The following GRIK1 variants were observed in gnomAD, a reference collection of about 807,000 sequenced individuals.
GRIK1 encodes glutamate ionotropic receptor kainate type subunit 1, also known as glutamate receptor ionotropic, kainate 1.
A neutral mutation model predicts 105.7 loss-of-function variants in GRIK1; 69 were observed. The observed-to-expected ratio is 0.65, with a 90% CI of 0.54 to 0.80. GRIK1 has a LOEUF of 0.80. Ranked by LOEUF, GRIK1 falls within the 30% of genes least tolerant of loss-of-function variation. The pLI is 0.00. For synonymous variants in GRIK1, 438 were observed against 431.3 expected, an observed-to-expected ratio of 1.02 and a Z score of -0.19; for missense variants, 1,109 against 1,167.3, an observed-to-expected ratio of 0.95 and a Z score of 0.73.
At chr21:29,692,305 G>T (rs1255956392) in intron 2 of GRIK1, among the ~76,000 whole-genome samples, 1 of 152,178 alleles carries the variant, frequency 6.6e-6, no homozygotes, top group Non-Finnish European at 1.5e-5. Context: ...TCCACAATGT[G>T]TAGGAGTGTT....
chr21:29,710,795 CCTTCCTTCCTTCCTTCCTTCCT>C (rs2064030287), intron 1 of GRIK1, among the ~76,000 whole-genome samples: 1 of 13,054 alleles, frequency 7.7e-5, no homozygotes, highest in Non-Finnish European at 2.0e-4. Flanking sequence ...CTCCCTCCTT[CCTTCCTTCCTTCCTTCCTTCCT>C]TCCTTCCTTC....
chr21:29,559,811 T>G (rs537535355), intron 15 of GRIK1, among the ~76,000 whole-genome samples: 1 of 150,594 alleles, frequency 6.6e-6, no homozygotes, highest in East Asian at 1.9e-4. Flanking sequence ...AAAATCTGGA[T>G]TTTTTTTATT....
intron 1 of GRIK1, among the ~76,000 whole-genome samples, chr21:29,921,932 G>T (rs2071206836): frequency 1.3e-5 from 2 of 152,126 alleles, no homozygotes; most frequent in South Asian, 4.1e-4. Flanking sequence ...AATTTTGCAG[G>T]TAAGTAGATT....
chr21:29,775,045 A>T (rs916092220), intron 1 of GRIK1, among the ~76,000 whole-genome samples: 1 of 151,772 alleles, frequency 6.6e-6, no homozygotes, highest in Non-Finnish European at 1.5e-5. Flanking sequence ...TCAGCCAGGC[A>T]TGGTAGCTCA....
intron 1 of GRIK1, among the ~76,000 whole-genome samples, chr21:29,843,532 A>AT (rs35729965): frequency 3.3e-4 from 50 of 151,872 alleles, no homozygotes; most frequent in South Asian, 8.3e-4. Flanking sequence ...TGAAAGTAAG[A>AT]TTTTTTTTTA....
chr21:29,853,414 A>G (rs1190517629), intron 1 of GRIK1, among the ~76,000 whole-genome samples: 1 of 152,216 alleles, frequency 6.6e-6, no homozygotes, highest in Non-Finnish European at 1.5e-5. Context: ...TCCTCCAGCT[A>G]CCTTTTGAAT....
intron 1 of GRIK1, among the ~76,000 whole-genome samples, chr21:29,930,850 C>A (rs1000743965): frequency 6.6e-6 from 1 of 152,160 alleles, no homozygotes; most frequent in African/African-American, 2.4e-5. Context: ...TCTTAGAAAA[C>A]CCTCCATGTA....
intron 7 of GRIK1, among the ~76,000 whole-genome samples, chr21:29,639,065 C>A (rs958271228): frequency 8.5e-5 from 13 of 152,196 alleles, no homozygotes; most frequent in African/African-American, 3.1e-4. Context: ...CTGCCTCACT[C>A]TCCTATCGAA....
intron 1 of GRIK1, among the ~76,000 whole-genome samples, chr21:29,820,308 G>A (rs2067266242): frequency 1.3e-5 from 2 of 151,990 alleles, no homozygotes; most frequent in Non-Finnish European, 1.5e-5. Context: ...AGATCACCAT[G>A]GGCACCTGTG....
At position 29,591,199 on chromosome 21, in the gene GRIK1, C is replaced by T. The variant is rs1257345773; in HGVS notation, c.1278G>A (p.Gly426=). 1 of 1,605,794 alleles carries T rather than the reference C, an allele frequency of 6.2e-7. No individual in the cohort carries two copies. The highest frequency in any genetic ancestry group is 8.5e-7 in the Non-Finnish European group (1 of 1,173,994). Residue 426 remains glycine (G), a synonymous_variant, in exon 10 of 18, where the codon GGG becomes GGA. Coordinates refer to ENST00000327783, the MANE Select transcript of GRIK1 (RefSeq NM_001330994.2). ...CTTTGTTGCTGTCCGTCATGTTAAG[C>T]CCACTGTTGGAATTCCAAATCCCAA... ...KKIGIWNSNS[G]LNMTDSNKDK...
At chr21:29,761,744 T>C (rs1007530411) in intron 1 of GRIK1, among the ~76,000 whole-genome samples, 2 of 132,298 alleles carry the variant, frequency 1.5e-5, no homozygotes, top group Admixed American at 8.5e-5. Context: ...TCTTTCTCTT[T>C]CTTTCGTTCT....
At chr21:29,675,413 G>A (rs1051937430) in intron 3 of GRIK1, among the ~76,000 whole-genome samples, 1 of 151,954 alleles carries the variant, frequency 6.6e-6, no homozygotes, top group Admixed American at 6.6e-5. Context: ...ACAGTTTAAT[G>A]TGGTCTCTAA....
chr21:29,902,232 G>A (rs1252790536), intron 1 of GRIK1, among the ~76,000 whole-genome samples: 4 of 152,094 alleles, frequency 2.6e-5, no homozygotes, highest in South Asian at 4.1e-4. Flanking sequence ...TTTGAAAACC[G>A]GCATAAGACA....
chr21:29,918,512 C>T (rs974942021), intron 1 of GRIK1, among the ~76,000 whole-genome samples: 1 of 151,974 alleles, frequency 6.6e-6, no homozygotes, highest in Non-Finnish European at 1.5e-5. Context: ...TTTCAATATT[C>T]ACCAGTATAT....
chr21:29,681,081 C>T (rs1165466149), intron 3 of GRIK1, among the ~76,000 whole-genome samples: 1 of 152,082 alleles, frequency 6.6e-6, no homozygotes, highest in Non-Finnish European at 1.5e-5. Context: ...TGCAGTGAGC[C>T]GAGATCGCAC....
At position 29,555,199 on chromosome 21, in the gene GRIK1, G is replaced by C; in HGVS notation, c.2460C>G (p.Pro820=). Residue 820 remains proline, a synonymous_variant, in exon 16 of 18, where the codon CCC becomes CCG. Coordinates refer to ENST00000327783, the MANE Select transcript of GRIK1 (RefSeq NM_001330994.2). ...KEKWWRGNGC[P]EEDNKEASAL... The stretch of plus-strand genomic sequence containing the variant: ...CACTGGCTTCTTTGTTGTCTTCCTC[G>C]GGGCAGCCATTCCCACGCCACCACT... 6.2e-7 allele frequency: 1 copy of C among 1,613,794 alleles called. No homozygotes were observed. The highest frequency in any genetic ancestry group is 8.5e-7 in the Non-Finnish European group (1 of 1,179,864).
At position 29,901,571 on chromosome 21, in the gene GRIK1, T is replaced by A. The variant is rs532024073; in HGVS notation, c.118+37812A>T. On this transcript the variant is annotated intron_variant, in intron 1 of 17. Transcript: ENST00000327783. ...AGAAGTGGATAAATTCCTGGACACA[T>A]ACACCCTCCCAAGACTAAACCAGGA... is the stretch of plus-strand genomic sequence containing the variant. 2.0e-5 allele frequency among the ~76,000 whole-genome samples: 3 copies of A among 152,078 alleles called. No individual in the cohort carries two copies. In the East Asian group the frequency reaches 5.8e-4, roughly 29 times the overall value.
At chr21:29,865,113 T>A (rs1192879044) in intron 1 of GRIK1, among the ~76,000 whole-genome samples, 2 of 152,210 alleles carry the variant, frequency 1.3e-5, no homozygotes, top group African/African-American at 2.4e-5. Context: ...CAGGACTTTT[T>A]TCCCTTGTGT....
At chr21:29,844,594 A>C (rs1272801951) in intron 1 of GRIK1, among the ~76,000 whole-genome samples, 1 of 152,210 alleles carries the variant, frequency 6.6e-6, no homozygotes, top group African/African-American at 2.4e-5. Flanking sequence ...TATAACAAAA[A>C]CACGAATATT....
Sources: gnomAD v4.1 joint callset for allele counts (sites outside exome capture counted in the v4.1 genomes callset) on GRCh38, gnomAD v4.1.1 for gene constraint, MANE v1.5 for transcripts, NCBI Gene and HGNC (gene_info 2026-07-23, HGNC 2026-07-21) for gene names.